Variants in DIXDC1 observed in about 807,000 individuals in gnomAD.
DIXDC1 encodes DIX domain containing 1, also known as dixin.
A neutral mutation model predicts 103.1 loss-of-function variants in DIXDC1; 64 were observed. That is an observed-to-expected ratio of 0.62 (90% CI 0.51 to 0.76). DIXDC1 has a LOEUF of 0.76. Ranked by LOEUF, DIXDC1 falls within the 30% of genes least tolerant of loss-of-function variation. The pLI, the probability that DIXDC1 is intolerant of heterozygous loss-of-function variation, is 0.00. For missense variants in DIXDC1, 759 were observed against 834.2 expected (o/e 0.91, Z 1.11); for synonymous variants, 266 against 298.5 (o/e 0.89, Z 1.12).
intron 3 of DIXDC1, among the ~76,000 whole-genome samples, chr11:111,971,718 TG>T (rs869289068): frequency 0.013 from 1,743 of 135,004 alleles, 32 homozygotes; most frequent in African/African-American, 0.047. Context: ...AAATAAAATG[TG>T]GTGTGTATAT....
chr11:111,997,333 T>TA (rs1860933540), intron 17 of DIXDC1, among the ~76,000 whole-genome samples: 1 of 146,756 alleles, frequency 6.8e-6, no homozygotes, highest in Non-Finnish European at 1.5e-5. Context: ...ATGAAACAAA[T>TA]TTTTTTTTTT....
chr11:112,005,067 CAGACAAG>C (rs1555176457), intron 17 of DIXDC1, among the ~76,000 whole-genome samples: 1 of 152,146 alleles, frequency 6.6e-6, no homozygotes, highest in East Asian at 1.9e-4. Context: ...TCGAAACCAT[CAGACAAG>C]GAATTTAAAG....
rs587639718 is a variant in DIXDC1, at chr11:111,957,936, C to T, written c.61-6613C>T. ...TGGGGCAGGTGTGGCCGGGGCGGCACGCTCCACAGAGCTGGTGGGAGCCAG... is the reference window on the plus strand; with the variant it reads ...TGGGGCAGGTGTGGCCGGGGCGGCATGCTCCACAGAGCTGGTGGGAGCCAG... On this transcript the variant is annotated intron_variant, in intron 1 of 19. Transcript: ENST00000440460. Among the ~76,000 whole-genome samples the T allele has an allele frequency of 3.9e-5, 6 of 152,356 alleles. No homozygotes were observed. In the South Asian group the frequency reaches 1.0e-3, roughly 26 times the overall value.
upstream of DIXDC1, among the ~76,000 whole-genome samples, chr11:111,932,406 C>T (rs1321342862): frequency 4.0e-5 from 6 of 151,442 alleles, no homozygotes; most frequent in East Asian, 1.2e-3. Flanking sequence ...ATCCATAACC[C>T]AGGAATAGGT....
chr11:111,971,632 G>A (rs587641914), intron 3 of DIXDC1, among the ~76,000 whole-genome samples: 31 of 152,250 alleles, frequency 2.0e-4, no homozygotes, highest in Admixed American at 1.4e-3. Context: ...ACATGCACCC[G>A]TAGGTTCATT....
At chr11:111,949,025 A>G (rs1419790923) in intron 1 of DIXDC1, among the ~76,000 whole-genome samples, 1 of 151,866 alleles carries the variant, frequency 6.6e-6, no homozygotes, top group Admixed American at 6.6e-5. Flanking sequence ...CTGTGGGCAT[A>G]TTCCTCTGAA....
At chr11:111,972,769 G>A (rs1241556462) in intron 3 of DIXDC1, among the ~76,000 whole-genome samples, 2 of 152,202 alleles carry the variant, frequency 1.3e-5, no homozygotes, top group Non-Finnish European at 2.9e-5. Context: ...ATAGCAGGCC[G>A]GGTGCAGTGG....
chr11:111,977,146 G>A lies in DIXDC1; in HGVS notation c.656+2163G>A, dbSNP rs1555172690. ...TCGCATCCCCCAACCCCTCGTCGAC[G>A]TCCCCACCCCCACCTCCACCCCGCC... On this transcript the variant is annotated intron_variant, in intron 5 of 19. Coordinates refer to ENST00000440460, the MANE Select transcript of DIXDC1 (RefSeq NM_001037954.4). The surrounding 1 kb of genome is among the most constrained non-coding windows in gnomAD (Gnocchi z 6.1). 5 of 527,520 alleles carry A rather than the reference G, an allele frequency of 9.5e-6. No individual in the cohort carries two copies. Among genetic ancestry groups the A allele is most frequent in the African/African-American group, 4.1e-5 (2 of 48,406 alleles). 32.7% of individuals were successfully genotyped at this position (527,520 alleles called of 1,614,324 possible).
intron 1 of DIXDC1, among the ~76,000 whole-genome samples, chr11:111,950,124 A>C (rs587692538): frequency 1.1e-4 from 16 of 152,152 alleles, no homozygotes; most frequent in African/African-American, 3.4e-4. Flanking sequence ...AATGTGGATC[A>C]AGAAAACCAA....
chr11:111,997,332 A>T (rs1030421911), intron 17 of DIXDC1, among the ~76,000 whole-genome samples: 9 of 147,690 alleles, frequency 6.1e-5, no homozygotes, highest in African/African-American at 9.9e-5. Context: ...AATGAAACAA[A>T]TTTTTTTTTT....
intron 1 of DIXDC1, among the ~76,000 whole-genome samples, chr11:111,953,311 T>A (rs112487490): frequency 3.3e-5 from 5 of 152,266 alleles, no homozygotes; most frequent in African/African-American, 1.2e-4. Context: ...CAGGACCTTA[T>A]TAATTTTTCA....
At chr11:111,980,599 G>T in intron 5 of DIXDC1, 138 bp from the exon 6 acceptor site, 1 of 573,626 alleles carries the variant, frequency 1.7e-6, no homozygotes, top group Non-Finnish European at 3.0e-6. Context: ...TTTATTTTCT[G>T]TGGGCCAAGT....
intron 1 of DIXDC1, among the ~76,000 whole-genome samples, chr11:111,938,020 G>A (rs1966279159): frequency 6.6e-6 from 1 of 152,230 alleles, no homozygotes; most frequent in Admixed American, 6.5e-5. Flanking sequence ...TGGTCCATGT[G>A]AAGTGCCCTC....
At chr11:111,964,053 G>A (rs899747900) in intron 1 of DIXDC1, among the ~76,000 whole-genome samples, 5 of 152,204 alleles carry the variant, frequency 3.3e-5, no homozygotes, top group African/African-American at 9.7e-5. Flanking sequence ...GCAGCTATGG[G>A]AGAGGCAGCT....
intron 17 of DIXDC1, among the ~76,000 whole-genome samples, chr11:112,013,615 T>C (rs1370633904): frequency 1.3e-5 from 2 of 152,184 alleles, no homozygotes; most frequent in Non-Finnish European, 2.9e-5. Context: ...AGTCATTGTT[T>C]ACTTTTCCCT....
chr11:111,964,519 T>C, intron 1 of DIXDC1, 30 bp from the exon 2 acceptor site: 1 of 1,566,974 alleles, frequency 6.4e-7, no homozygotes, highest in Non-Finnish European at 8.7e-7. Context: ...ATATGCTCTC[T>C]TTCCCTTACT....
chr11:111,995,655 G>A lies in DIXDC1; in HGVS notation c.1689+91G>A, dbSNP rs140784715. ...AATTGAGATGAAGGCAGTGTGAAGAGATACAAGACCCTGTTAAAGGTTAGA... is the reference window on the plus strand; with the variant it reads ...AATTGAGATGAAGGCAGTGTGAAGAAATACAAGACCCTGTTAAAGGTTAGA... On this transcript the variant is annotated intron_variant, in intron 16 of 19. Coordinates refer to ENST00000440460, the MANE Select transcript of DIXDC1 (RefSeq NM_001037954.4). 96 of 1,499,318 alleles carry A rather than the reference G, an allele frequency of 6.4e-5. No individual in the cohort carries two copies. In the East Asian group the frequency reaches 2.1e-3, roughly 32 times the overall value. 92.9% of individuals were successfully genotyped at this position (1,499,318 alleles called of 1,614,324 possible).
rs781920025 is a variant in DIXDC1, at chr11:111,974,105, G to T, written c.399G>T (p.Thr133=). 1 of 1,614,000 alleles carries T rather than the reference G, an allele frequency of 6.2e-7. No individual in the cohort carries two copies. The highest frequency in any genetic ancestry group is 8.5e-7 in the Non-Finnish European group (1 of 1,179,902). ...AAHFKPGSSR[T]VNQGRDSRAP... ...ATTTCAAACCTGGCTCCAGCAGGAC[G>T]GTGAACCAAGGACGGGACTCCAGAG... is the stretch of plus-strand genomic sequence containing the variant. The change falls in exon 4 of 20, where the codon ACG becomes ACT. Residue 133 remains threonine, a synonymous_variant. Transcript: ENST00000440460.
intron 2 of DIXDC1, among the ~76,000 whole-genome samples, chr11:111,930,827 C>CCTTT (rs201009230): frequency 1.8e-4 from 26 of 146,244 alleles, no homozygotes; most frequent in South Asian, 8.6e-4. Flanking sequence ...GTGAGACCCT[C>CCTTT]CTTTCTTTCT....
Sources: allele counts gnomAD v4.1 joint callset (sites outside exome capture counted in the v4.1 genomes callset), GRCh38; gene constraint gnomAD v4.1.1; non-coding constraint Gnocchi (gnomAD v3.1); transcripts MANE v1.5; gene names NCBI Gene and HGNC (gene_info 2026-07-23, HGNC 2026-07-21).